CAMKK1: variants seen among roughly 807,000 people sequenced by gnomAD.
The protein encoded by CAMKK1 is calcium/calmodulin dependent protein kinase kinase 1, also known as calcium/calmodulin-dependent protein kinase kinase 1.
Under a neutral mutation model 63.5 loss-of-function variants are expected in CAMKK1, and 20 were observed. The observed-to-expected ratio is 0.32, with a 90% confidence interval of 0.22 to 0.46. CAMKK1 has a LOEUF of 0.46. CAMKK1 is among the 20% of genes least tolerant of loss of function. The pLI, the probability that CAMKK1 is intolerant of heterozygous loss-of-function variation, is 1.00. For missense variants in CAMKK1, 588 were observed against 658.1 expected, an observed-to-expected ratio of 0.89 and a Z score of 1.17; for synonymous variants, 253 against 269.0, an observed-to-expected ratio of 0.94 and a Z score of 0.58.
intron 14 of CAMKK1, among the ~76,000 whole-genome samples, chr17:3,866,808 C>G (rs375571806): frequency 2.1e-3 from 316 of 152,308 alleles, no homozygotes; most frequent in African/African-American, 7.2e-3. Context: ...CAACCTCTGC[C>G]TCCCCGCTTC....
rs1201355821 is a variant in CAMKK1, at chr17:3,892,412, G to T, written c.-44+527C>A. Among the ~76,000 whole-genome samples the T allele has an allele frequency of 6.6e-6, 1 of 151,996 alleles. No homozygotes were observed. The highest frequency in any genetic ancestry group is 1.5e-5 in the Non-Finnish European group (1 of 67,980). On this transcript the variant is annotated intron_variant, in intron 1 of 15. Transcript: ENST00000348335. The surrounding 1 kb of genome is among the most constrained non-coding windows in gnomAD (Gnocchi z 7.5). ...CCTGCGCCTCCCGGGCCCCGAAGCC[G>T]CAGCGCCCGCCTCTGCCGCCCCCTC...
intron 15 of CAMKK1, among the ~76,000 whole-genome samples, chr17:3,864,699 A>G (rs757328736): frequency 4.1e-4 from 63 of 152,136 alleles, no homozygotes; most frequent in Non-Finnish European, 5.7e-4. Flanking sequence ...TCCTCCCCCA[A>G]CCGCAACCAC....
At position 3,869,744 on chromosome 17, in the gene CAMKK1, G is replaced by A. The variant is rs916992573; in HGVS notation, c.1212+57C>T. On this transcript the variant is annotated intron_variant, in intron 13 of 15. Coordinates refer to ENST00000348335, the MANE Select transcript of CAMKK1 (RefSeq NM_032294.3). ...CCTGGTGTTGATCCCTCCAGAAAGG[G>A]AAAGTGACTCCTGTTTTCTGTGTCC... 8.1e-6 allele frequency: 13 copies of A among 1,603,326 alleles called. No individual in the cohort carries two copies. In the African/African-American group the frequency reaches 1.6e-4, roughly 20 times the overall value.
chr17:3,873,364 C>T, intron 11 of CAMKK1, 45 bp downstream of exon 11: 1 of 1,597,720 alleles, frequency 6.3e-7, no homozygotes, highest in Non-Finnish European at 8.6e-7. Context: ...CCCGTGCCCG[C>T]CTCACTGGAC....
intron 1 of CAMKK1, among the ~76,000 whole-genome samples, chr17:3,888,133 TC>T: frequency 6.6e-6 from 1 of 151,892 alleles, no homozygotes; most frequent in African/African-American, 2.4e-5. Context: ...AACTCCAGAG[TC>T]AGGAGCTCCT....
Position 3,884,425 on chromosome 17 carries a change from G to A in CAMKK1, c.363C>T (p.Asp121=), listed in dbSNP as rs1341057329. ...SHHVAISDAE[D]CVQLNQYKLQ... is the part of the protein sequence containing the mutation. ...GCTTGTACTGGTTCAGCTGCACGCA[G>A]TCCTGTGGGGGAAGAGCGAGCACCA... The change falls in exon 3 of 16, where the codon GAC becomes GAT. Residue 121 remains aspartate, a splice_region_variant and synonymous_variant. Coordinates refer to ENST00000348335, the MANE Select transcript of CAMKK1 (RefSeq NM_032294.3). The surrounding 1 kb of genome is among the most constrained non-coding windows in gnomAD (Gnocchi z 4.5). 1 of 1,613,448 alleles carries A rather than the reference G, an allele frequency of 6.2e-7. No homozygotes were observed.
chr17:3,874,528 T>A (rs1285913526), intron 10 of CAMKK1, among the ~76,000 whole-genome samples: 19 of 152,212 alleles, frequency 1.2e-4, no homozygotes, highest in African/African-American at 3.6e-4. Flanking sequence ...CCTGCCACCA[T>A]GCCCGGCTAA....
chr17:3,878,940 A>C (rs1261715065), intron 9 of CAMKK1: 1 of 152,070 alleles, frequency 6.6e-6, no homozygotes, highest in Non-Finnish European at 1.5e-5. Context: ...CAGCCTCCCG[A>C]GTAGCTGGGA....
chr17:3,871,333 G>GTTTTTTTTTTTTTTTTTTTTTTT (rs71155812), intron 12 of CAMKK1, among the ~76,000 whole-genome samples: 1 of 111,006 alleles, frequency 9.0e-6, no homozygotes, highest in Non-Finnish European at 1.9e-5. Flanking sequence ...GTTGTTTTTT[G>GTTTTTTTTTTTTTTTTTTTTTTT]TTTTTTTTTT....
intron 9 of CAMKK1, 62 bp from the exon 10 acceptor site, chr17:3,876,484 C>G (rs905031623): frequency 3.4e-6 from 5 of 1,449,618 alleles, no homozygotes; most frequent in Admixed American, 1.7e-5. Flanking sequence ...GGACCCCACA[C>G]CCGTCCTTGC....
chr17:3,874,471 G>A (rs553135176), intron 10 of CAMKK1, among the ~76,000 whole-genome samples: 687 of 152,172 alleles, frequency 4.5e-3, no homozygotes, highest in Non-Finnish European at 6.9e-3. Context: ...TCCTGGGTTC[G>A]AACGATTCTT....
chr17:3,872,043 A>G (rs7209754), intron 12 of CAMKK1, among the ~76,000 whole-genome samples: 6,139 of 152,288 alleles, frequency 0.04, 422 homozygotes, highest in African/African-American at 0.14. Flanking sequence ...ATGCATGAGC[A>G]AGAGGCCTCC....
chr17:3,880,525 A>T, intron 8 of CAMKK1, 91 bp from the exon 9 acceptor site: 1 of 899,706 alleles, frequency 1.1e-6, no homozygotes, highest in South Asian at 1.4e-5. Context: ...ACCTGTGCCC[A>T]CATGAGTCCC....
intron 12 of CAMKK1, among the ~76,000 whole-genome samples, chr17:3,872,347 G>C (rs779197890): frequency 2.2e-4 from 33 of 152,162 alleles, no homozygotes; most frequent in Non-Finnish European, 4.1e-4. Context: ...CTGGATCTCA[G>C]GGTTCCCATC....
rs937416788 is a variant in CAMKK1, at chr17:3,890,154, C to A, written c.-44+2785G>T. Among the ~76,000 whole-genome samples, 1 of 152,214 alleles carries A rather than the reference C, an allele frequency of 6.6e-6. No individual in the cohort carries two copies. Among genetic ancestry groups the A allele is most frequent in the Non-Finnish European group, 1.5e-5 (1 of 68,028 alleles). Reference sequence around the variant, plus strand: ...ACTGGAGCTGTGTTTATGATCCTGGCGAGTATCTGGATGGCCCTGGCAACG... The same window carrying A: ...ACTGGAGCTGTGTTTATGATCCTGGAGAGTATCTGGATGGCCCTGGCAACG... On this transcript the variant is annotated intron_variant, in intron 1 of 15. Coordinates refer to ENST00000348335, the MANE Select transcript of CAMKK1 (RefSeq NM_032294.3). The surrounding 1 kb of genome is among the most constrained non-coding windows in gnomAD (Gnocchi z 6.5).
intron 1 of CAMKK1, among the ~76,000 whole-genome samples, chr17:3,886,063 G>A (rs2055637585): frequency 1.3e-5 from 2 of 152,252 alleles, no homozygotes. Flanking sequence ...ACTGGAAGGG[G>A]CAGAGCCCAG....
chr17:3,885,015 A>G (rs2055581351), intron 2 of CAMKK1, among the ~76,000 whole-genome samples: 1 of 152,194 alleles, frequency 6.6e-6, no homozygotes, highest in Non-Finnish European at 1.5e-5. Context: ...AAGCTGGAGA[A>G]GAGTTAGGGG....
intron 12 of CAMKK1, among the ~76,000 whole-genome samples, chr17:3,872,009 A>C (rs1401045542): frequency 2.0e-5 from 3 of 152,228 alleles, no homozygotes; most frequent in Non-Finnish European, 4.4e-5. Flanking sequence ...TGTGGCTGCC[A>C]CGGTGGCCGT....
Position 3,887,523 on chromosome 17 carries a change from G to C in CAMKK1, c.-43-1793C>G, listed in dbSNP as rs1425219475. Among the ~76,000 whole-genome samples, 1 of 151,532 alleles carries C rather than the reference G, an allele frequency of 6.6e-6. No homozygotes were observed. The highest frequency in any genetic ancestry group is 6.6e-5 in the Admixed American group (1 of 15,238). On this transcript the variant is annotated intron_variant, in intron 1 of 15. Coordinates refer to ENST00000348335, the MANE Select transcript of CAMKK1 (RefSeq NM_032294.3). The surrounding 1 kb of genome is among the most constrained non-coding windows in gnomAD (Gnocchi z 6.1). ...TGAGTGAGGCTAGAGTATCAGGGAG[G>C]CCTCCCTGGAAGAGAGGGCAGGAGA...
Sources: allele counts gnomAD v4.1 joint callset (sites outside exome capture counted in the v4.1 genomes callset), GRCh38; gene constraint gnomAD v4.1.1; non-coding constraint Gnocchi (gnomAD v3.1); transcripts MANE v1.5; gene names NCBI Gene and HGNC (gene_info 2026-07-23, HGNC 2026-07-21).